Variants in MCTP1 observed in about 807,000 individuals in gnomAD.
MCTP1 encodes the protein multiple C2 and transmembrane domain containing 1, also known as multiple C2 and transmembrane domain-containing protein 1.
A neutral mutation model predicts 120.6 loss-of-function variants in MCTP1; 69 were observed. The ratio of observed to expected loss-of-function variants is 0.57; its 90% CI spans 0.47 to 0.70. MCTP1 has a LOEUF of 0.70. Ranked by LOEUF, MCTP1 falls within the 30% of genes least tolerant of loss-of-function variation. MCTP1 has a pLI of 0.00. For missense variants in MCTP1, 1,203 were observed against 1,248.8 expected (o/e 0.96, Z 0.55); for synonymous variants, 529 against 493.1 (o/e 1.07, Z -0.96).
At chr5:94,768,345 G>A (rs1398286648) in intron 19 of MCTP1, among the ~76,000 whole-genome samples, 1 of 152,048 alleles carries the variant, frequency 6.6e-6, no homozygotes, top group Admixed American at 6.6e-5. Context: ...ATTGGTCTAG[G>A]CAAAGTTTTA....
intron 19 of MCTP1, among the ~76,000 whole-genome samples, chr5:94,741,444 G>A (rs1765512764): frequency 6.6e-6 from 1 of 152,130 alleles, no homozygotes. Flanking sequence ...TCTGCTTTTG[G>A]TAAATAAAAT....
At chr5:94,724,190 A>G (rs943346996) in intron 19 of MCTP1, among the ~76,000 whole-genome samples, 13 of 152,214 alleles carry the variant, frequency 8.5e-5, no homozygotes, top group African/African-American at 2.9e-4. Flanking sequence ...GCATCCAGCA[A>G]TACAGATGGA....
chr5:95,039,133 A>G (rs967341791), intron 1 of MCTP1, among the ~76,000 whole-genome samples: 4 of 152,212 alleles, frequency 2.6e-5, no homozygotes, highest in African/African-American at 9.6e-5. Context: ...TGAAACACTT[A>G]GTATCCTATG....
At chr5:95,038,728 C>T (rs186739532) in intron 1 of MCTP1, among the ~76,000 whole-genome samples, 172 of 152,318 alleles carry the variant, frequency 1.1e-3, no homozygotes, top group Non-Finnish European at 1.9e-3. Context: ...GCAGTGTTTA[C>T]GTTTAACCAA....
At position 94,912,968 on chromosome 5, in the gene MCTP1, G is replaced by A; in HGVS notation, c.1359C>T (p.Thr453=). 6.3e-7 allele frequency: 1 copy of A among 1,584,378 alleles called. No individual in the cohort carries two copies. Among genetic ancestry groups the A allele is most frequent in the African/African-American group, 1.4e-5 (1 of 72,792 alleles). ...NPYCKNVQFQ[T]QSLRLSDLHR... is the part of the protein sequence containing the mutation. The stretch of plus-strand genomic sequence containing the variant: ...GTAGGTCTGATAGGCGTAAACTTTG[G>A]GTCTGAAACTTTTGGCAAATGAAAA... The change falls in exon 9 of 23, where the codon ACC becomes ACT. Residue 453 remains threonine, a synonymous_variant. Transcript: ENST00000515393.
rs61324420 is a variant in MCTP1 at position 94,826,772 on chromosome 5, C to CTTTTTTTTTTTTT, written c.2437-27653_2437-27641dup. ...TCAGAGAGTAGGGTTGTGACCCCTGCTTTTTTTTTTTTTTTTTTTTTTTTT... is the reference window on the plus strand; with the variant it reads ...TCAGAGAGTAGGGTTGTGACCCCTGCTTTTTTTTTTTTTTTTTTTTTTTTTTTTTTTTTTTTTT... On this transcript the variant is annotated intron_variant, in intron 17 of 22. Coordinates refer to ENST00000515393, the MANE Select transcript of MCTP1 (RefSeq NM_024717.7). 2.7e-3 allele frequency: 116 copies of CTTTTTTTTTTTTT among 42,886 alleles called. 8 individuals carry two copies. The highest frequency in any genetic ancestry group is 6.5e-3 in the East Asian group (9 of 1,384). 2.7% of individuals were successfully genotyped at this position (42,886 alleles called of 1,614,324 possible).
chr5:94,959,551 G>C (rs919461196), intron 2 of MCTP1, among the ~76,000 whole-genome samples: 2 of 152,182 alleles, frequency 1.3e-5, no homozygotes, highest in Non-Finnish European at 2.9e-5. Context: ...TCCTTAAGCT[G>C]ATATGCAACT....
At chr5:95,055,273 G>A (rs1012457043) in intron 1 of MCTP1, among the ~76,000 whole-genome samples, 12 of 152,072 alleles carry the variant, frequency 7.9e-5, no homozygotes, top group Middle Eastern at 3.4e-3. Context: ...TTCCTCTTCC[G>A]AGCTAATCAA....
In MCTP1 at chr5:95,018,503, AT is replaced by A. The variant is rs35327131; in HGVS notation, c.721-1020del. ...CCCTACATTTGTTCGTTAAAGCAGC[AT>A]TTTTTTTTTTTGAGGTTTTAAGACC... On this transcript the variant is annotated intron_variant, in intron 1 of 22. Coordinates refer to ENST00000515393, the MANE Select transcript of MCTP1 (RefSeq NM_024717.7). Among the ~76,000 whole-genome samples, 952 of 148,354 alleles carry A rather than the reference AT, an allele frequency of 6.4e-3. 10 individuals are homozygous for A. Among genetic ancestry groups the A allele is most frequent in the African/African-American group, 0.022 (881 of 40,476 alleles).
chr5:95,208,583 A>G (rs772994197), intron 1 of MCTP1, among the ~76,000 whole-genome samples: 1 of 152,084 alleles, frequency 6.6e-6, no homozygotes. Context: ...TGAGGGTTTA[A>G]ATAACATGAG....
chr5:94,998,348 G>C (rs1350641342), intron 2 of MCTP1, among the ~76,000 whole-genome samples: 1 of 152,144 alleles, frequency 6.6e-6, no homozygotes, highest in East Asian at 1.9e-4. Context: ...AGAGAAAATC[G>C]AGTAGCCACA....
intron 1 of MCTP1, among the ~76,000 whole-genome samples, chr5:95,121,892 A>T (rs1218719004): frequency 6.8e-6 from 1 of 147,902 alleles, no homozygotes. Flanking sequence ...GGGAAACGAC[A>T]GCCTCTTCAA....
At chr5:95,152,401 T>C (rs1744631503) in intron 1 of MCTP1, among the ~76,000 whole-genome samples, 1 of 152,186 alleles carries the variant, frequency 6.6e-6, no homozygotes, top group Admixed American at 6.5e-5. Flanking sequence ...GACAATATCT[T>C]TCTTATATTC....
At chr5:94,882,738 T>C (rs1288521237) in intron 12 of MCTP1, among the ~76,000 whole-genome samples, 1 of 152,176 alleles carries the variant, frequency 6.6e-6, no homozygotes, top group Non-Finnish European at 1.5e-5. Flanking sequence ...TCATTTCCCA[T>C]TGATAGTGGG....
At chr5:94,858,430 G>A (rs1267938617) in intron 17 of MCTP1, among the ~76,000 whole-genome samples, 1 of 151,574 alleles carries the variant, frequency 6.6e-6, no homozygotes, top group Non-Finnish European at 1.5e-5. Flanking sequence ...ACTAAGCAGG[G>A]TGCATACAGA....
chr5:95,086,124 T>C (rs1053521357), intron 1 of MCTP1, among the ~76,000 whole-genome samples: 7 of 152,174 alleles, frequency 4.6e-5, no homozygotes, highest in Non-Finnish European at 7.4e-5. Flanking sequence ...AAAAATTAAA[T>C]GTTCTTTGGT....
At chr5:95,033,161 T>C (rs947443937) in intron 1 of MCTP1, among the ~76,000 whole-genome samples, 3 of 152,094 alleles carry the variant, frequency 2.0e-5, no homozygotes, top group Non-Finnish European at 4.4e-5. Flanking sequence ...GAAGAGCTGA[T>C]ACCAGTTTTA....
intron 19 of MCTP1, among the ~76,000 whole-genome samples, chr5:94,751,418 GT>G (rs1471429904): frequency 6.6e-6 from 1 of 151,364 alleles, no homozygotes; most frequent in African/African-American, 2.4e-5. Context: ...GAGACAGGGG[GT>G]GAGGATGAGC....
intron 1 of MCTP1, among the ~76,000 whole-genome samples, chr5:95,171,560 G>T (rs1020302175): frequency 6.6e-6 from 1 of 152,170 alleles, no homozygotes; most frequent in Admixed American, 6.5e-5. Context: ...ATCAGACGTA[G>T]ATTTGGTCTT....
Sources: allele counts gnomAD v4.1 joint callset (sites outside exome capture counted in the v4.1 genomes callset), GRCh38; gene constraint gnomAD v4.1.1; transcripts MANE v1.5; gene names NCBI Gene and HGNC (gene_info 2026-07-23, HGNC 2026-07-21).